Variants in FIP1L1 observed in about 807,000 individuals in gnomAD.
FIP1L1 encodes pre-mRNA 3'-end-processing factor FIP1.
In FIP1L1, 21 loss-of-function variants were observed where a neutral mutation model predicts 84.6. The ratio of observed to expected loss-of-function variants is 0.25; its 90% confidence interval spans 0.18 to 0.36. FIP1L1 has a LOEUF of 0.36. Among genes scored for constraint, FIP1L1 ranks in the 10% least tolerant of loss-of-function variants. FIP1L1 has a pLI of 1.00. For synonymous variants in FIP1L1, 263 were observed against 242.3 expected, an observed-to-expected ratio of 1.09 and a Z score of -0.80; for missense variants, 526 against 751.1, an observed-to-expected ratio of 0.70 and a Z score of 3.50.
chr4:53,398,640 TAAGTG>T (rs1170701405), intron 9 of FIP1L1, among the ~76,000 whole-genome samples: 1 of 152,122 alleles, frequency 6.6e-6, no homozygotes, highest in African/African-American at 2.4e-5. Context: ...TGATATTATT[TAAGTG>T]TAAGGAAACT....
chr4:53,408,632 C>G (rs1486990473), intron 10 of FIP1L1, among the ~76,000 whole-genome samples: 1 of 152,156 alleles, frequency 6.6e-6, no homozygotes, highest in African/African-American at 2.4e-5. Context: ...TCAGGTACAC[C>G]AATCAGATGT....
chr4:53,380,235 T>C (rs1325653439), intron 3 of FIP1L1, among the ~76,000 whole-genome samples: 2 of 152,218 alleles, frequency 1.3e-5, no homozygotes, highest in Admixed American at 1.3e-4. Context: ...ACCTCGCAGC[T>C]GCATCAACTG....
chr4:53,408,785 C>G (rs1578477340), intron 10 of FIP1L1, among the ~76,000 whole-genome samples: 1 of 152,110 alleles, frequency 6.6e-6, no homozygotes, highest in Admixed American at 6.5e-5. Flanking sequence ...AGTTGATCAC[C>G]TCGGCTCCTG....
At chr4:53,385,889 GTATA>G (rs1234957076) in intron 5 of FIP1L1, among the ~76,000 whole-genome samples, 3 of 152,028 alleles carry the variant, frequency 2.0e-5, no homozygotes, top group African/African-American at 7.2e-5. Flanking sequence ...ATATTTCAAG[GTATA>G]TCCCTTGAAA....
intron 10 of FIP1L1, 138 bp from the exon 11 acceptor site, chr4:53,414,477 T>A: frequency 1.8e-6 from 1 of 546,002 alleles, no homozygotes. Flanking sequence ...GCAAGTAGTT[T>A]ATATGACTTG....
chr4:53,434,760 G>A lies in FIP1L1; in HGVS notation c.1174+6577G>A, dbSNP rs144771145. ...TGGGATTACAGGCGTGAGCCGCTGC[G>A]CCTGGCCACAGCTTAGTAAATTTAT... On this transcript the variant is annotated intron_variant, in intron 13 of 17. Transcript: ENST00000337488. Among the ~76,000 whole-genome samples the A allele has an allele frequency of 3.4e-4, 52 of 152,188 alleles. 1 individual carries two copies. The East Asian group carries it at 8.9e-3, about 26-fold the overall frequency.
chr4:53,407,513 A>T (rs1197428315), intron 10 of FIP1L1, among the ~76,000 whole-genome samples: 2 of 151,678 alleles, frequency 1.3e-5, no homozygotes, highest in Non-Finnish European at 2.9e-5. Context: ...AGTTCTGTAG[A>T]TGTCTATTAG....
intron 10 of FIP1L1, among the ~76,000 whole-genome samples, chr4:53,404,992 T>G (rs948664091): frequency 6.6e-6 from 1 of 152,134 alleles, no homozygotes; most frequent in African/African-American, 2.4e-5. Flanking sequence ...TCTTTTGCTG[T>G]GCAGAAGCTC....
At chr4:53,450,660 G>T (rs1223383039) in intron 15 of FIP1L1, among the ~76,000 whole-genome samples, 1 of 152,142 alleles carries the variant, frequency 6.6e-6, no homozygotes, top group African/African-American at 2.4e-5. Context: ...GTGACAGCAA[G>T]ACCTCATCTC....
intron 11 of FIP1L1, among the ~76,000 whole-genome samples, chr4:53,425,652 A>G (rs1764033110): frequency 6.6e-6 from 1 of 152,098 alleles, no homozygotes; most frequent in Non-Finnish European, 1.5e-5. Context: ...CATTATGATC[A>G]TTGTTGGGTA....
chr4:53,440,618 T>C, intron 13 of FIP1L1: 1 of 1,509,782 alleles, frequency 6.6e-7, no homozygotes, highest in Non-Finnish European at 9.1e-7. Flanking sequence ...GGTAAAACTT[T>C]TTTCATGTTT....
intron 5 of FIP1L1, among the ~76,000 whole-genome samples, chr4:53,388,203 GTAA>G (rs758866106): frequency 1.2e-4 from 19 of 152,172 alleles, no homozygotes; most frequent in Non-Finnish European, 2.1e-4. Context: ...AAAGATGGAA[GTAA>G]TTATTATTAG....
At chr4:53,395,917 T>TG (rs1436844237) in intron 9 of FIP1L1, among the ~76,000 whole-genome samples, 1 of 71,648 alleles carries the variant, frequency 1.4e-5, no homozygotes, top group Non-Finnish European at 3.2e-5. Context: ...CTGTATTTTA[T>TG]GATTTTTTTT....
Position 53,391,459 on chromosome 4 carries a change from A to G in FIP1L1, c.666A>G (p.Pro222=). Residue 222 remains proline, a synonymous_variant, in exon 9 of 18, where the codon CCA becomes CCG. Transcript: ENST00000337488. ...AAGACTGTACTATGGAAGTTACACC[A>G]GGTGCAGAGATCCAAGATGGCAGAT... ...TAEDCTMEVT[P]GAEIQDGRFN... 6.2e-7 allele frequency: 1 copy of G among 1,613,380 alleles called. No individual in the cohort carries two copies.
rs111514281 is a variant in FIP1L1 at position 53,420,527 on chromosome 4, T to G, written c.924-5345T>G. Among the ~76,000 whole-genome samples, 993 of 151,896 alleles carry G rather than the reference T, an allele frequency of 6.5e-3. 12 individuals carry two copies. The highest frequency in any genetic ancestry group is 0.023 in the African/African-American group (959 of 41,552). Reference sequence around the variant, plus strand: ...TCAGTCTCTTTAAATGTAGTACTGATAGAAAATAAATTGTATGTCCAGAAA... The same window carrying G: ...TCAGTCTCTTTAAATGTAGTACTGAGAGAAAATAAATTGTATGTCCAGAAA... On this transcript the variant is annotated intron_variant, in intron 11 of 17. Transcript: ENST00000337488.
intron 13 of FIP1L1, among the ~76,000 whole-genome samples, chr4:53,429,077 A>G (rs1240210347): frequency 6.6e-6 from 1 of 152,218 alleles, no homozygotes; most frequent in Non-Finnish European, 1.5e-5. Flanking sequence ...GTACAGAACC[A>G]AATCCAGGGT....
rs1487958980 is a variant in FIP1L1, at chr4:53,460,436, C to CACAT, written c.*990_*993dup. The CACAT allele has an allele frequency of 1.6e-5, 3 of 190,456 alleles. No homozygotes were observed. The highest frequency in any genetic ancestry group is 7.0e-5 in the African/African-American group (3 of 42,908). The allele number at this position is 190,456 out of a possible 1,614,324, so 11.8% of individuals were successfully genotyped here. A position where few individuals can be genotyped will look rare whatever the true frequency, so the allele number is the denominator to read the frequency against. On this transcript the variant is annotated 3_prime_UTR_variant, in exon 18 of 18. Transcript: ENST00000337488. ...ATACAAAAGTAATCTTAATTAGTAT[C>CACAT]ACATACTAAAAGACAACTATAACTT...
At chr4:53,458,433 G>A (rs1412158143) in intron 16 of FIP1L1, 2 of 345,472 alleles carry the variant, frequency 5.8e-6, no homozygotes, top group Non-Finnish European at 1.0e-5. Context: ...CATTTAACAT[G>A]TGTAATTATT....
intron 1 of FIP1L1, 46 bp from the exon 2 acceptor site, chr4:53,379,027 C>G: frequency 6.4e-7 from 1 of 1,572,084 alleles, no homozygotes; most frequent in Non-Finnish European, 8.7e-7. Context: ...AAATAAGTAT[C>G]TTGTTAAGTA....
Sources: allele counts gnomAD v4.1 joint callset (sites outside exome capture counted in the v4.1 genomes callset), GRCh38; gene constraint gnomAD v4.1.1; transcripts MANE v1.5; gene names NCBI Gene and HGNC (gene_info 2026-07-23, HGNC 2026-07-21).